PDE10A: variants seen among roughly 807,000 people sequenced by gnomAD.
The protein encoded by PDE10A is phosphodiesterase 10A, also known as cAMP and cAMP-inhibited cGMP 3',5'-cyclic phosphodiesterase 10A.
Under a neutral mutation model 97.7 loss-of-function variants are expected in PDE10A, and 39 were observed. The observed-to-expected ratio is 0.40, with a 90% CI of 0.31 to 0.52. PDE10A has a LOEUF of 0.52. PDE10A is among the 20% of genes least tolerant of loss of function. The pLI, the probability that PDE10A is intolerant of heterozygous loss-of-function variation, is 0.56. For synonymous variants in PDE10A, 371 were observed against 376.8 expected, an observed-to-expected ratio of 0.98 and a Z score of 0.18; for missense variants, 731 against 1,047.8, an observed-to-expected ratio of 0.70 and a Z score of 4.17.
At chr6:165,730,678 G>T (rs1792408811) in intron 1 of PDE10A, among the ~76,000 whole-genome samples, 1 of 151,368 alleles carries the variant, frequency 6.6e-6, no homozygotes, top group Admixed American at 6.6e-5. Context: ...GCTTGAACCT[G>T]GGAGGTGGAG....
intron 1 of PDE10A, among the ~76,000 whole-genome samples, chr6:165,750,576 C>A (rs1792975434): frequency 6.6e-6 from 1 of 152,320 alleles, no homozygotes; most frequent in Non-Finnish European, 1.5e-5. Flanking sequence ...TCAATCGCCT[C>A]GTGAGTTCCA....
At chr6:165,763,624 T>G (rs377603031) in intron 1 of PDE10A, among the ~76,000 whole-genome samples, 1 of 152,058 alleles carries the variant, frequency 6.6e-6, no homozygotes, top group Non-Finnish European at 1.5e-5. Flanking sequence ...TGCCCAGCCT[T>G]GAGATTCTGT....
intron 1 of PDE10A, among the ~76,000 whole-genome samples, chr6:165,764,245 T>C (rs1793321276): frequency 6.6e-6 from 1 of 152,200 alleles, no homozygotes; most frequent in South Asian, 2.1e-4. Context: ...TGAATCTCAG[T>C]TTTACCATCT....
intron 1 of PDE10A, among the ~76,000 whole-genome samples, chr6:165,982,898 T>G (rs1785062687): frequency 6.6e-6 from 1 of 152,082 alleles, no homozygotes; most frequent in Admixed American, 6.5e-5. Context: ...AAACAAAAAT[T>G]GTCATTGGCA....
At chr6:165,636,405 A>G (rs564706798) in intron 1 of PDE10A, among the ~76,000 whole-genome samples, 1 of 152,392 alleles carries the variant, frequency 6.6e-6, no homozygotes, top group South Asian at 2.1e-4. Context: ...AGTTACATTT[A>G]TGAAATGCAT....
chr6:165,470,027 A>G (rs1778895836), intron 3 of PDE10A, among the ~76,000 whole-genome samples: 1 of 152,156 alleles, frequency 6.6e-6, no homozygotes, highest in Non-Finnish European at 1.5e-5. Context: ...GAGTGAGGGC[A>G]TTGGTGTTTA....
chr6:165,586,436 A>G (rs1309366152), intron 1 of PDE10A, among the ~76,000 whole-genome samples: 2 of 152,142 alleles, frequency 1.3e-5, no homozygotes, highest in East Asian at 3.9e-4. Flanking sequence ...TATGAAACCC[A>G]TTACTCTTCA....
intron 18 of PDE10A, among the ~76,000 whole-genome samples, chr6:165,364,635 G>A (rs942147082): frequency 6.6e-6 from 1 of 152,100 alleles, no homozygotes; most frequent in Non-Finnish European, 1.5e-5. Context: ...GCTAGTAGTT[G>A]CATTTGCCAA....
intron 1 of PDE10A, among the ~76,000 whole-genome samples, chr6:165,807,349 T>C (rs1377726401): frequency 6.6e-6 from 1 of 152,168 alleles, no homozygotes; most frequent in Non-Finnish European, 1.5e-5. Context: ...GCAATCACTT[T>C]TGTTTCCATG....
At chr6:165,969,144 C>T in intron 1 of PDE10A, among the ~76,000 whole-genome samples, 1 of 152,168 alleles carries the variant, frequency 6.6e-6, no homozygotes, top group East Asian at 1.9e-4. Flanking sequence ...AGTAAAATTA[C>T]CCTTCTGCAA....
At position 165,637,462 on chromosome 6, in the gene PDE10A, G is replaced by A. The variant is rs529404543; in HGVS notation, c.865+24485C>T. ...GAATGACGGTGTCCAGCTTTATGGC[G>A]GACGGGTAACACACACAAGACTGCG... is the stretch of plus-strand genomic sequence containing the variant. On this transcript the variant is annotated intron_variant, in intron 1 of 21. Transcript: ENST00000539869. Among the ~76,000 whole-genome samples the A allele has an allele frequency of 6.6e-5, 10 of 152,256 alleles. No individual in the cohort carries two copies. In the East Asian group the frequency reaches 1.5e-3, roughly 24 times the overall value.
intron 1 of PDE10A, chr6:165,576,432 C>T: frequency 1.3e-6 from 1 of 780,676 alleles, no homozygotes; most frequent in Non-Finnish European, 2.4e-6. Flanking sequence ...TTGGGATTTC[C>T]TCTCTTCTAT....
At chr6:165,443,999 T>C (rs528317370) in intron 5 of PDE10A, among the ~76,000 whole-genome samples, 1 of 152,268 alleles carries the variant, frequency 6.6e-6, no homozygotes, top group East Asian at 1.9e-4. Flanking sequence ...AGAAAATCGG[T>C]TTGTCCTTTC....
chr6:165,869,403 A>T (rs1390386188), intron 1 of PDE10A, among the ~76,000 whole-genome samples: 1 of 151,980 alleles, frequency 6.6e-6, no homozygotes, highest in Non-Finnish European at 1.5e-5. Flanking sequence ...AGTAAAAGAC[A>T]TCTACAATAA....
intron 13 of PDE10A, chr6:165,409,594 T>A (rs1211217381): frequency 6.1e-6 from 1 of 163,300 alleles, no homozygotes; most frequent in African/African-American, 2.4e-5. Context: ...ACGCGCCCGA[T>A]CTCGTCTGAT....
chr6:165,414,855 T>TA (rs1788194012), intron 12 of PDE10A, among the ~76,000 whole-genome samples: 1 of 152,224 alleles, frequency 6.6e-6, no homozygotes, highest in Admixed American at 6.5e-5. Flanking sequence ...GCCAATGTTT[T>TA]AAAGTCCCAG....
chr6:165,948,848 T>C (rs1286233259), intron 1 of PDE10A: 1 of 152,336 alleles, frequency 6.6e-6, no homozygotes, highest in Non-Finnish European at 1.5e-5. Flanking sequence ...CAGGGAGGAC[T>C]GAGGCCTTGG....
rs371549367 is a variant in PDE10A at position 165,845,916 on chromosome 6, T to TA, written c.-615+141612dup. 2.0e-3 allele frequency among the ~76,000 whole-genome samples: 307 copies of TA among 152,096 alleles called. 1 individual carries two copies. The highest frequency in any genetic ancestry group is 6.8e-3 in the African/African-American group (280 of 41,476). On this transcript the variant is annotated intron_variant, in intron 1 of 19. Transcript: ENST00000366882. Reference sequence around the variant, plus strand: ...TAATTAAATAGGAATGTCTCCATGATAAAAAAACAAAACGAAAAAACCCAC... The same window carrying TA: ...TAATTAAATAGGAATGTCTCCATGATAAAAAAAACAAAACGAAAAAACCCAC...
intron 1 of PDE10A, among the ~76,000 whole-genome samples, chr6:165,926,188 T>C (rs567076523): frequency 3.3e-5 from 5 of 152,184 alleles, no homozygotes; most frequent in African/African-American, 9.7e-5. Flanking sequence ...TAGTGGCTGA[T>C]GGTGCCATCT....
Sources: allele counts gnomAD v4.1 joint callset (sites outside exome capture counted in the v4.1 genomes callset), GRCh38; gene constraint gnomAD v4.1.1; transcripts MANE v1.5; gene names NCBI Gene and HGNC (gene_info 2026-07-23, HGNC 2026-07-21).